Variants in PTPN4 observed in about 807,000 individuals in gnomAD.
The protein encoded by PTPN4 is tyrosine-protein phosphatase non-receptor type 4.
Under a neutral mutation model 135.5 loss-of-function variants are expected in PTPN4, and 49 were observed. The ratio of observed to expected loss-of-function variants is 0.36; its 90% CI spans 0.29 to 0.46. The LOEUF (loss-of-function observed/expected upper bound fraction) is 0.46. Ranked by LOEUF, PTPN4 falls within the 20% of genes least tolerant of loss-of-function variation. The pLI, the probability that PTPN4 is intolerant of heterozygous loss-of-function variation, is 1.00. For synonymous variants in PTPN4, 333 were observed against 369.9 expected, an observed-to-expected ratio of 0.90 and a Z score of 1.14; for missense variants, 860 against 1,101.0, an observed-to-expected ratio of 0.78 and a Z score of 3.10.
chr2:119,804,078 A>G (rs1050034798), intron 1 of PTPN4, among the ~76,000 whole-genome samples: 6 of 151,972 alleles, frequency 3.9e-5, no homozygotes, highest in Non-Finnish European at 8.8e-5. Flanking sequence ...TAGCTGGGCC[A>G]TGTACCCCAT....
At chr2:119,876,897 ATGTGTGTGTGTG>A (rs3835789) in intron 3 of PTPN4, among the ~76,000 whole-genome samples, 59 of 136,134 alleles carry the variant, frequency 4.3e-4, no homozygotes, top group Admixed American at 7.4e-4. Context: ...GCCCAAGAGC[ATGTGTGTGTGTG>A]TGTGTGTGTG....
intron 2 of PTPN4, among the ~76,000 whole-genome samples, chr2:119,833,411 A>C (rs1677247270): frequency 6.6e-6 from 1 of 152,186 alleles, no homozygotes; most frequent in South Asian, 2.1e-4. Flanking sequence ...TTTTAGCTTA[A>C]TAAATAAGTT....
intron 1 of PTPN4, among the ~76,000 whole-genome samples, chr2:119,779,916 T>C (rs1254617855): frequency 6.6e-6 from 1 of 152,054 alleles, no homozygotes; most frequent in Non-Finnish European, 1.5e-5. Flanking sequence ...AGCTAATTTT[T>C]TGTATTTTTT....
intron 15 of PTPN4, among the ~76,000 whole-genome samples, chr2:119,944,213 T>C (rs949975129): frequency 3.3e-5 from 5 of 152,186 alleles, no homozygotes; most frequent in Non-Finnish European, 5.9e-5. Flanking sequence ...AGTAATTCTT[T>C]TATCAGATAA....
At chr2:119,822,301 G>A (rs928800447) in intron 2 of PTPN4, among the ~76,000 whole-genome samples, 2 of 151,110 alleles carry the variant, frequency 1.3e-5, no homozygotes, top group African/African-American at 4.9e-5. Flanking sequence ...TTGGTGTTTA[G>A]CTCTGCTGTC....
At chr2:119,936,865 G>A (rs986155044) in intron 15 of PTPN4, among the ~76,000 whole-genome samples, 6 of 152,078 alleles carry the variant, frequency 3.9e-5, no homozygotes, top group Non-Finnish European at 7.4e-5. Context: ...AGGTTTATGT[G>A]TTTGTATTCC....
intron 9 of PTPN4, among the ~76,000 whole-genome samples, chr2:119,898,176 G>T (rs898570898): frequency 6.6e-6 from 1 of 152,180 alleles, no homozygotes; most frequent in Non-Finnish European, 1.5e-5. Flanking sequence ...CAATAATTAG[G>T]TCTTTCAGAT....
At chr2:119,868,476 T>A (rs1329820865) in intron 3 of PTPN4, among the ~76,000 whole-genome samples, 1 of 152,172 alleles carries the variant, frequency 6.6e-6, no homozygotes, top group Non-Finnish European at 1.5e-5. Context: ...CCCCCCAAAA[T>A]CTGGCCATAA....
In PTPN4 at chr2:119,914,248, A is replaced by ATTTTTTTTTTTTTTT. The variant is rs55911315; in HGVS notation, c.765-917_765-903dup. ...CATAAATACAGTCAATAGTTACTCAATTTTTTTTTTTTTTTTTTTTTTTTT... is the reference window on the plus strand; with the variant it reads ...CATAAATACAGTCAATAGTTACTCAATTTTTTTTTTTTTTTTTTTTTTTTTTTTTTTTTTTTTTTT... On this transcript the variant is annotated intron_variant, in intron 10 of 26. Transcript: ENST00000263708. Among the ~76,000 whole-genome samples the ATTTTTTTTTTTTTTT allele has an allele frequency of 2.9e-4, 28 of 97,416 alleles. 1 individual carries two copies. The highest frequency in any genetic ancestry group is 1.5e-3 in the African/African-American group (26 of 17,056). 63.9% of individuals were successfully genotyped at this position (97,416 alleles called of 152,430 possible).
At chr2:119,844,650 G>C (rs1677457165) in intron 2 of PTPN4, among the ~76,000 whole-genome samples, 1 of 151,498 alleles carries the variant, frequency 6.6e-6, no homozygotes, top group African/African-American at 2.4e-5. Flanking sequence ...ACATCTCAGA[G>C]GATGGGCGGC....
At chr2:119,795,530 C>T (rs1691238599) in intron 1 of PTPN4, among the ~76,000 whole-genome samples, 1 of 152,222 alleles carries the variant, frequency 6.6e-6, no homozygotes, top group Non-Finnish European at 1.5e-5. Context: ...GCATACCTGG[C>T]TGGGTTGTGA....
At chr2:119,784,530 G>A (rs1691008295) in intron 1 of PTPN4, among the ~76,000 whole-genome samples, 1 of 151,592 alleles carries the variant, frequency 6.6e-6, no homozygotes, top group African/African-American at 2.4e-5. Context: ...GGGACTACAG[G>A]CGCCTGCCAC....
At chr2:119,842,178 T>C (rs955403993) in intron 2 of PTPN4, among the ~76,000 whole-genome samples, 4 of 152,164 alleles carry the variant, frequency 2.6e-5, no homozygotes, top group African/African-American at 7.2e-5. Flanking sequence ...GGTGGAACTT[T>C]TGTTTTGTTT....
chr2:119,977,249 T>G lies in PTPN4; in HGVS notation c.*179T>G. The stretch of plus-strand genomic sequence containing the variant: ...TAAAAAATGTCACTCTTTCAAAATC[T>G]ATAACTCATGTATTTGAAGACTGTT... On this transcript the variant is annotated 3_prime_UTR_variant, in exon 27 of 27. Coordinates refer to ENST00000263708, the MANE Select transcript of PTPN4 (RefSeq NM_002830.4). 4.9e-6 allele frequency: 5 copies of G among 1,016,930 alleles called. No individual in the cohort carries two copies. Among genetic ancestry groups the G allele is most frequent in the Non-Finnish European group, 6.5e-6 (5 of 771,134 alleles). 63.0% of individuals were successfully genotyped at this position (1,016,930 alleles called of 1,614,324 possible).
chr2:119,926,610 A>G lies in PTPN4; in HGVS notation c.1014A>G (p.Glu338=). ...GSKFRYCGRT[E]VQSVQYGKEK... is the part of the protein sequence containing the mutation. ...TTATATATTTCAGTGGGAGAACTGA[A>G]GTCCAATCAGTTCAGTATGGCAAAG... is the stretch of plus-strand genomic sequence containing the variant. Residue 338 remains glutamate (E), a synonymous_variant, in exon 13 of 27, where the codon GAA becomes GAG. Transcript: ENST00000263708. 6.3e-7 allele frequency: 1 copy of G among 1,595,178 alleles called. No homozygotes were observed. Among genetic ancestry groups the G allele is most frequent in the Admixed American group, 1.7e-5 (1 of 58,834 alleles).
intron 1 of PTPN4, among the ~76,000 whole-genome samples, chr2:119,774,845 T>C (rs1272436661): frequency 3.3e-5 from 5 of 151,382 alleles, no homozygotes; most frequent in African/African-American, 1.2e-4. Flanking sequence ...ACCAACAAGG[T>C]GAAACCCCGT....
intron 15 of PTPN4, among the ~76,000 whole-genome samples, chr2:119,940,799 A>C (rs146766571): frequency 3.0e-4 from 46 of 152,260 alleles, no homozygotes; most frequent in African/African-American, 1.1e-3. Context: ...ACAGATTTCT[A>C]TGTACAATTG....
intron 2 of PTPN4, among the ~76,000 whole-genome samples, chr2:119,820,125 T>C (rs1677044040): frequency 6.6e-6 from 1 of 152,226 alleles, no homozygotes; most frequent in African/African-American, 2.4e-5. Flanking sequence ...CCTCCCACAC[T>C]GCTGGAATTA....
intron 15 of PTPN4, among the ~76,000 whole-genome samples, chr2:119,936,878 T>C (rs1361476693): frequency 6.6e-6 from 1 of 152,218 alleles, no homozygotes; most frequent in East Asian, 1.9e-4. Context: ...TGTATTCCAT[T>C]TTGAATCTAT....
Sources: allele counts gnomAD v4.1 joint callset (sites outside exome capture counted in the v4.1 genomes callset), GRCh38; gene constraint gnomAD v4.1.1; transcripts MANE v1.5; gene names NCBI Gene and HGNC (gene_info 2026-07-23, HGNC 2026-07-21).